MCC: variants seen among roughly 807,000 people sequenced by gnomAD.
MCC encodes the protein MCC regulator of Wnt signaling pathway.
A neutral mutation model predicts 116.2 loss-of-function variants in MCC; 90 were observed. That is an observed-to-expected ratio of 0.77 (90% CI 0.65 to 0.92). MCC has a LOEUF of 0.92. Ranked by LOEUF, MCC falls within the 40% of genes least tolerant of loss-of-function variation. The pLI, the probability that MCC is intolerant of heterozygous loss-of-function variation, is 0.00. For missense variants in MCC, 1,516 were observed against 1,312.2 expected (o/e 1.16, Z -2.40); for synonymous variants, 578 against 510.5 (o/e 1.13, Z -1.78).
At chr5:113,304,591 G>C (rs2150366005) in intron 3 of MCC, among the ~76,000 whole-genome samples, 1 of 152,252 alleles carries the variant, frequency 6.6e-6, no homozygotes, top group South Asian at 2.1e-4. Context: ...CCCCTTCACT[G>C]TCTGATTAGA....
At chr5:113,078,732 C>T (rs1754634129) in intron 11 of MCC, among the ~76,000 whole-genome samples, 1 of 152,142 alleles carries the variant, frequency 6.6e-6, no homozygotes, top group Non-Finnish European at 1.5e-5. Context: ...GGAAGCATTC[C>T]CTTTGAAAAC....
intron 1 of MCC, among the ~76,000 whole-genome samples, chr5:113,399,268 G>A (rs1399241352): frequency 7.9e-5 from 12 of 152,144 alleles, no homozygotes; most frequent in African/African-American, 2.9e-4. Flanking sequence ...GGCGGATCAC[G>A]AGATCAGGAG....
At chr5:113,052,981 A>G (rs1035434845) in intron 15 of MCC, among the ~76,000 whole-genome samples, 4 of 152,222 alleles carry the variant, frequency 2.6e-5, no homozygotes, top group African/African-American at 7.2e-5. Context: ...AATATCAGAT[A>G]TGGTCTTATT....
intron 5 of MCC, among the ~76,000 whole-genome samples, chr5:113,134,054 T>G (rs1758641655): frequency 6.6e-6 from 1 of 152,238 alleles, no homozygotes. Flanking sequence ...TTATTTCCAT[T>G]GCTGTGTGGA....
chr5:113,092,507 A>G (rs548523053), intron 8 of MCC, among the ~76,000 whole-genome samples: 1 of 152,328 alleles, frequency 6.6e-6, no homozygotes, highest in East Asian at 1.9e-4. Context: ...CACTAAGTTC[A>G]TGATAATTTG....
intron 12 of MCC, 23 bp downstream of exon 12, chr5:113,071,071 C>T: frequency 6.3e-7 from 1 of 1,590,486 alleles, no homozygotes; most frequent in Non-Finnish European, 8.6e-7. Flanking sequence ...GAAGTAGCTC[C>T]AAACATCCCA....
intron 3 of MCC, among the ~76,000 whole-genome samples, chr5:113,327,585 T>A (rs1251963769): frequency 2.5e-5 from 3 of 119,430 alleles, no homozygotes; most frequent in Admixed American, 9.5e-5. Context: ...TATATATATA[T>A]AAAAATCTCA....
intron 1 of MCC, among the ~76,000 whole-genome samples, chr5:113,392,814 T>A (rs554480258): frequency 6.9e-4 from 105 of 152,216 alleles, no homozygotes; most frequent in African/African-American, 2.5e-3. Flanking sequence ...GTGAGGAAAT[T>A]GAGGAACAGA....
chr5:113,297,897 G>A (rs1427832194), intron 3 of MCC, among the ~76,000 whole-genome samples: 1 of 152,026 alleles, frequency 6.6e-6, no homozygotes, highest in Non-Finnish European at 1.5e-5. Flanking sequence ...TTAAGGTAAT[G>A]TCCTCAACAA....
At chr5:113,144,522 C>A (rs1347403746) in intron 4 of MCC, among the ~76,000 whole-genome samples, 1 of 152,256 alleles carries the variant, frequency 6.6e-6, no homozygotes, top group Non-Finnish European at 1.5e-5. Context: ...GCTACCTCCC[C>A]TGTCCCTCCC....
Position 113,025,347 on chromosome 5 carries a change from G to C in MCC, c.*1955C>G, listed in dbSNP as rs945465921. ...AAAATTCTAAAAAATCACAGGAATG[G>C]CCAGGCACATTGGCTCATGCCTGTA... On this transcript the variant is annotated 3_prime_UTR_variant, in exon 19 of 19. Transcript: ENST00000408903. The C allele has an allele frequency of 6.6e-6, 1 of 151,778 alleles. No individual in the cohort carries two copies. Among genetic ancestry groups the C allele is most frequent in the Middle Eastern group, 3.2e-3 (1 of 316 alleles). The allele number at this position is 151,778 out of a possible 1,614,324, so 9.4% of individuals were successfully genotyped here. A position where few individuals can be genotyped will look rare whatever the true frequency, so the allele number is the denominator to read the frequency against.
intron 1 of MCC, among the ~76,000 whole-genome samples, chr5:113,401,236 C>T (rs991553944): frequency 6.6e-6 from 1 of 151,992 alleles, no homozygotes; most frequent in African/African-American, 2.4e-5. Flanking sequence ...ATTTCTTTCA[C>T]CAGGGTAAAA....
At chr5:113,259,378 C>A (rs1174161952) in intron 3 of MCC, among the ~76,000 whole-genome samples, 1 of 152,142 alleles carries the variant, frequency 6.6e-6, no homozygotes, top group African/African-American at 2.4e-5. Context: ...CCCTCAAAGT[C>A]ATTCAGCCCT....
chr5:113,168,001 T>C (rs1011039450), intron 3 of MCC, among the ~76,000 whole-genome samples: 1 of 152,186 alleles, frequency 6.6e-6, no homozygotes, highest in East Asian at 1.9e-4. Flanking sequence ...ACATTAACAA[T>C]TGAACCTATC....
chr5:113,193,781 A>G (rs924631779), intron 3 of MCC, among the ~76,000 whole-genome samples: 2 of 152,188 alleles, frequency 1.3e-5, no homozygotes, highest in African/African-American at 4.8e-5. Flanking sequence ...TATGGGGTCA[A>G]TTTGTACACC....
intron 8 of MCC, among the ~76,000 whole-genome samples, chr5:113,095,232 CAGA>C (rs1176035989): frequency 6.6e-6 from 1 of 152,074 alleles, no homozygotes; most frequent in Non-Finnish European, 1.5e-5. Context: ...CAAGGGTGGA[CAGA>C]AGGCTACAGG....
At chr5:113,411,757 C>G (rs540646910) in intron 1 of MCC, among the ~76,000 whole-genome samples, 56 of 152,300 alleles carry the variant, frequency 3.7e-4, no homozygotes, top group Non-Finnish European at 4.7e-4. Flanking sequence ...TTTTGCTGTG[C>G]AGAAGCTCTT....
At chr5:113,091,234 C>T (rs1451422952) in intron 8 of MCC, among the ~76,000 whole-genome samples, 4 of 152,218 alleles carry the variant, frequency 2.6e-5, no homozygotes, top group Non-Finnish European at 5.9e-5. Flanking sequence ...CCAAACTTGA[C>T]ATGAACACTG....
At chr5:113,419,412 G>T (rs1443288831) in intron 1 of MCC, among the ~76,000 whole-genome samples, 1 of 151,124 alleles carries the variant, frequency 6.6e-6, no homozygotes, top group African/African-American at 2.4e-5. Context: ...GCCCAGGCTG[G>T]TCTCAAACTC....
Sources: allele counts gnomAD v4.1 joint callset (sites outside exome capture counted in the v4.1 genomes callset), GRCh38; gene constraint gnomAD v4.1.1; transcripts MANE v1.5; gene names NCBI Gene and HGNC (gene_info 2026-07-23, HGNC 2026-07-21).